Variants in VMP1 observed in about 807,000 individuals in gnomAD.
VMP1 encodes the protein vacuole membrane protein 1, also known as ectopic P-granules autophagy protein 3 homolog.
Under a neutral mutation model 56.0 loss-of-function variants are expected in VMP1, and 11 were observed. The ratio of observed to expected loss-of-function variants is 0.20; its 90% CI spans 0.12 to 0.32. The LOEUF (loss-of-function observed/expected upper bound fraction) is 0.32, where lower values mean the gene tolerates loss of function less well. Among genes scored for constraint, VMP1 ranks in the 10% least tolerant of loss-of-function variants. VMP1 has a pLI of 1.00. For synonymous variants in VMP1, 149 were observed against 165.0 expected, an observed-to-expected ratio of 0.90 and a Z score of 0.74; for missense variants, 296 against 490.3, an observed-to-expected ratio of 0.60 and a Z score of 3.74.
At chr17:59,791,189 T>C (rs1389718777) in intron 7 of VMP1, among the ~76,000 whole-genome samples, 1 of 53,404 alleles carries the variant, frequency 1.9e-5, no homozygotes, top group African/African-American at 3.6e-5. Context: ...GTTCCCTTTT[T>C]TTTTTTTTTT....
At chr17:59,776,470 T>C (rs1224228734) in intron 7 of VMP1, among the ~76,000 whole-genome samples, 1 of 152,204 alleles carries the variant, frequency 6.6e-6, no homozygotes, top group Non-Finnish European at 1.5e-5. Flanking sequence ...ATATAAACTT[T>C]TAAAATTATT....
At chr17:59,748,211 A>ACC (rs1568071104) in intron 5 of VMP1, among the ~76,000 whole-genome samples, 2 of 149,640 alleles carry the variant, frequency 1.3e-5, no homozygotes, top group South Asian at 2.1e-4. Context: ...AAAAAAAAAA[A>ACC]AAAAAACCTT....
At chr17:59,791,139 T>C (rs192666860) in intron 7 of VMP1, among the ~76,000 whole-genome samples, 1 of 151,838 alleles carries the variant, frequency 6.6e-6, no homozygotes, top group African/African-American at 2.4e-5. Context: ...AGCAATGCAT[T>C]TTGCTGACAT....
intron 1 of VMP1, among the ~76,000 whole-genome samples, chr17:59,728,684 A>ATTATTTATTTAT (rs143800386): frequency 2.6e-5 from 4 of 151,298 alleles, no homozygotes; most frequent in African/African-American, 7.3e-5. Context: ...AATAAATGAG[A>ATTATTTATTTAT]TTATTTATTT....
At chr17:59,780,532 A>T (rs1033329074) in intron 7 of VMP1, among the ~76,000 whole-genome samples, 2 of 152,132 alleles carry the variant, frequency 1.3e-5, no homozygotes, top group Non-Finnish European at 1.5e-5. Context: ...GTGAAGAACT[A>T]GTTTTTTCCT....
At chr17:59,813,384 C>T (rs370330835) in intron 9 of VMP1, among the ~76,000 whole-genome samples, 3 of 152,020 alleles carry the variant, frequency 2.0e-5, no homozygotes, top group African/African-American at 7.2e-5. Context: ...TCCAGACCAG[C>T]CTGACCAACA....
At chr17:59,728,609 C>T (rs1262208150) in intron 1 of VMP1, among the ~76,000 whole-genome samples, 5 of 151,980 alleles carry the variant, frequency 3.3e-5, no homozygotes, top group Admixed American at 2.6e-4. Context: ...GAAGCTGGGG[C>T]AGGAGGATCG....
chr17:59,757,859 C>CCTTTT (rs776520537), intron 5 of VMP1, among the ~76,000 whole-genome samples: 6 of 91,292 alleles, frequency 6.6e-5, no homozygotes, highest in South Asian at 4.2e-4. Flanking sequence ...TTATTTGCCA[C>CCTTTT]TTTTTTTTTT....
At chr17:59,766,716 T>C (rs1465677852) in intron 6 of VMP1, among the ~76,000 whole-genome samples, 1 of 152,202 alleles carries the variant, frequency 6.6e-6, no homozygotes, top group Non-Finnish European at 1.5e-5. Flanking sequence ...ACAAAATTCT[T>C]TGGACAGCAT....
chr17:59,782,459 T>C (rs535161198), intron 7 of VMP1, among the ~76,000 whole-genome samples: 3 of 152,364 alleles, frequency 2.0e-5, no homozygotes, highest in Admixed American at 1.3e-4. Flanking sequence ...ATTAAAAAGA[T>C]ACTGGGTTCT....
chr17:59,791,709 C>T (rs2144123224), intron 7 of VMP1, among the ~76,000 whole-genome samples: 1 of 152,132 alleles, frequency 6.6e-6, no homozygotes, highest in East Asian at 1.9e-4. Flanking sequence ...AATGATCTGC[C>T]CACCTTGGCC....
intron 3 of VMP1, among the ~76,000 whole-genome samples, chr17:59,737,234 A>C (rs1487903120): frequency 6.6e-6 from 1 of 152,098 alleles, no homozygotes; most frequent in Admixed American, 6.5e-5. Flanking sequence ...TTGGGTAAGG[A>C]AAAGGCTACA....
rs191073786 is a variant in VMP1 at position 59,813,820 on chromosome 17, T to G, written c.912+2034T>G. On this transcript the variant is annotated intron_variant, in intron 9 of 11. Coordinates refer to ENST00000262291, the MANE Select transcript of VMP1 (RefSeq NM_030938.5). ...TTTATGTGTCCTGCTTTATACCTCT[T>G]GAATGCAGTGCCTTTCTATAAATTA... is the stretch of plus-strand genomic sequence containing the variant. Among the ~76,000 whole-genome samples the G allele has an allele frequency of 2.7e-4, 41 of 152,330 alleles. No individual in the cohort carries two copies. The East Asian group carries it at 6.7e-3, about 25-fold the overall frequency.
In VMP1 at chr17:59,800,749, G is replaced by C. The variant is rs940205816; in HGVS notation, c.715-8047G>C. 2.6e-5 allele frequency among the ~76,000 whole-genome samples: 4 copies of C among 152,084 alleles called. 1 individual carries two copies. The highest frequency in any genetic ancestry group is 9.7e-5 in the African/African-American group (4 of 41,424). ...TACTCACATGTTTGTGGCGATGCTG[G>C]TGTAAACAAACCTATTACGCTGCCA... On this transcript the variant is annotated intron_variant, in intron 7 of 11. Coordinates refer to ENST00000262291, the MANE Select transcript of VMP1 (RefSeq NM_030938.5).
chr17:59,816,962 AAAAG>A (rs1365170894), intron 9 of VMP1, among the ~76,000 whole-genome samples: 21 of 147,962 alleles, frequency 1.4e-4, no homozygotes, highest in East Asian at 1.0e-3. Flanking sequence ...AAAAAAAGAA[AAAAG>A]AAAGAAAGAA....
chr17:59,777,858 A>G (rs541353997), intron 7 of VMP1, among the ~76,000 whole-genome samples: 1 of 142,760 alleles, frequency 7.0e-6, no homozygotes, highest in South Asian at 2.4e-4. Flanking sequence ...CAAAACAAAA[A>G]AACAAATAAA....
intron 2 of VMP1, among the ~76,000 whole-genome samples, chr17:59,734,466 C>T (rs1485943565): frequency 6.6e-6 from 1 of 152,190 alleles, no homozygotes. Context: ...GCTGCAGTAG[C>T]TCACACCTGT....
At chr17:59,806,081 T>G (rs2037833567) in intron 7 of VMP1, among the ~76,000 whole-genome samples, 1 of 152,190 alleles carries the variant, frequency 6.6e-6, no homozygotes, top group Admixed American at 6.5e-5. Flanking sequence ...CTTTAGACAA[T>G]TAAAACATTT....
chr17:59,837,983 T>C (rs1270288766), intron 10 of VMP1: 1 of 221,932 alleles, frequency 4.5e-6, no homozygotes, highest in Non-Finnish European at 9.0e-6. Context: ...CTGACCTTAC[T>C]CTGAGGACTA....
Sources: gnomAD v4.1 joint callset for allele counts (sites outside exome capture counted in the v4.1 genomes callset) on GRCh38, gnomAD v4.1.1 for gene constraint, MANE v1.5 for transcripts, NCBI Gene and HGNC (gene_info 2026-07-23, HGNC 2026-07-21) for gene names.